Variants in TBC1D5 observed in about 807,000 individuals in gnomAD.
TBC1D5 encodes the protein TBC1 domain family, member 5.
In TBC1D5, 75 loss-of-function variants were observed where a neutral mutation model predicts 100.3. The observed-to-expected ratio is 0.75, with a 90% CI of 0.62 to 0.91. The LOEUF is 0.91. Among genes scored for constraint, TBC1D5 ranks in the 40% least tolerant of loss-of-function variants. The probability of loss-of-function intolerance (pLI) is 0.00; values close to 1 mark genes in which losing one functional copy is unlikely to be tolerated. For missense variants in TBC1D5, 910 were observed against 942.4 expected (o/e 0.97, Z 0.45); for synonymous variants, 323 against 325.6 (o/e 0.99, Z 0.09).
chr3:17,603,893 C>T (rs2061166407), intron 2 of TBC1D5, among the ~76,000 whole-genome samples: 1 of 152,208 alleles, frequency 6.6e-6, no homozygotes, highest in East Asian at 1.9e-4. Flanking sequence ...AATCCACCCG[C>T]CTCACCCTCT....
At chr3:17,321,163 G>C (rs1230634714) in intron 13 of TBC1D5, among the ~76,000 whole-genome samples, 3 of 152,156 alleles carry the variant, frequency 2.0e-5, no homozygotes, top group Non-Finnish European at 2.9e-5. Context: ...GAACTCCTAG[G>C]CTCAAGCAAT....
intron 21 of TBC1D5, among the ~76,000 whole-genome samples, chr3:17,165,444 T>G (rs2066500680): frequency 6.6e-6 from 1 of 152,172 alleles, no homozygotes; most frequent in African/African-American, 2.4e-5. Context: ...AAAACATCTG[T>G]GCAAGGAAGG....
intron 16 of TBC1D5, among the ~76,000 whole-genome samples, chr3:17,246,888 C>T (rs1214153032): frequency 2.0e-5 from 3 of 152,224 alleles, no homozygotes; most frequent in Non-Finnish European, 4.4e-5. Context: ...TGGCCCTTGA[C>T]TGATTCCTGG....
At chr3:17,706,594 T>G (rs1350116988) in intron 1 of TBC1D5, among the ~76,000 whole-genome samples, 1 of 152,170 alleles carries the variant, frequency 6.6e-6, no homozygotes, top group Non-Finnish European at 1.5e-5. Context: ...TTAACTCTAC[T>G]ATTACATTGC....
intron 17 of TBC1D5, among the ~76,000 whole-genome samples, chr3:17,218,294 T>C (rs751550339): frequency 6.6e-6 from 1 of 152,006 alleles, no homozygotes; most frequent in Non-Finnish European, 1.5e-5. Context: ...TTCAAGATTG[T>C]TTTGGCTACT....
intron 1 of TBC1D5, among the ~76,000 whole-genome samples, chr3:17,626,721 C>T (rs1031844871): frequency 1.3e-5 from 2 of 151,974 alleles, no homozygotes; most frequent in East Asian, 1.9e-4. Flanking sequence ...AGTAGAAAGG[C>T]CATCATAGAG....
At chr3:17,412,967 A>G (rs1228633660) in intron 4 of TBC1D5, among the ~76,000 whole-genome samples, 3 of 152,150 alleles carry the variant, frequency 2.0e-5, no homozygotes, top group African/African-American at 7.2e-5. Context: ...AAGCCCATGG[A>G]CATGCAGATA....
intron 3 of TBC1D5, among the ~76,000 whole-genome samples, chr3:17,462,969 T>C (rs563219157): frequency 9.2e-5 from 14 of 152,322 alleles, no homozygotes; most frequent in African/African-American, 2.9e-4. Flanking sequence ...GGTCATGAAA[T>C]AGTCCACTAT....
intron 3 of TBC1D5, among the ~76,000 whole-genome samples, chr3:17,503,427 C>A (rs2095808177): frequency 6.7e-6 from 1 of 149,496 alleles, no homozygotes; most frequent in Admixed American, 6.6e-5. Context: ...CTTCTCTCTG[C>A]TGAGCACCCC....
chr3:17,586,731 T>C (rs537198625), intron 2 of TBC1D5, among the ~76,000 whole-genome samples: 5 of 152,182 alleles, frequency 3.3e-5, no homozygotes, highest in African/African-American at 9.6e-5. Context: ...TACTCATTAA[T>C]CACTCTTTCC....
intron 16 of TBC1D5, among the ~76,000 whole-genome samples, chr3:17,257,328 T>A (rs1267179413): frequency 6.6e-6 from 1 of 152,208 alleles, no homozygotes; most frequent in Non-Finnish European, 1.5e-5. Context: ...GTAAGACTAC[T>A]GAAGGCAGGG....
chr3:17,220,359 A>T (rs1368417585), intron 17 of TBC1D5, among the ~76,000 whole-genome samples: 1 of 152,166 alleles, frequency 6.6e-6, no homozygotes, highest in Non-Finnish European at 1.5e-5. Flanking sequence ...AATCAGATAG[A>T]GGAGGACTTC....
intron 13 of TBC1D5, among the ~76,000 whole-genome samples, chr3:17,354,534 T>C (rs1319901720): frequency 6.6e-6 from 1 of 152,072 alleles, no homozygotes; most frequent in Non-Finnish European, 1.5e-5. Context: ...TACCAGCTGG[T>C]CTAGCTGTTT....
chr3:17,403,639 T>C (rs2093698266), intron 7 of TBC1D5, among the ~76,000 whole-genome samples: 1 of 152,100 alleles, frequency 6.6e-6, no homozygotes, highest in South Asian at 2.1e-4. Context: ...TTAGGTATTA[T>C]AAGTAATCTA....
chr3:17,615,033 C>T (rs1456693610), intron 2 of TBC1D5, among the ~76,000 whole-genome samples: 1 of 152,088 alleles, frequency 6.6e-6, no homozygotes, highest in African/African-American at 2.4e-5. Flanking sequence ...TCATAAATAC[C>T]TCTTATTATT....
Position 17,678,661 on chromosome 3 carries a change from A to G in TBC1D5, c.-100-54748T>C, listed in dbSNP as rs1362251291. On this transcript the variant is annotated intron_variant, in intron 1 of 21. Transcript: ENST00000253692. ...CAACTAAGAGAACTGAGGGAAAAAG[A>G]GGGATAAAAAAAAAAAAAAAAAAAA... is the stretch of plus-strand genomic sequence containing the variant. Among the ~76,000 whole-genome samples, 5 of 109,478 alleles carry G rather than the reference A, an allele frequency of 4.6e-5. No individual in the cohort carries two copies. The South Asian group carries it at 1.7e-3, about 38-fold the overall frequency. 71.8% of individuals were successfully genotyped at this position (109,478 alleles called of 152,430 possible).
rs115444781 is a variant in TBC1D5 at position 17,263,849 on chromosome 3, G to A, written c.1246-5258C>T. 8.8e-3 allele frequency among the ~76,000 whole-genome samples: 1,342 copies of A among 152,218 alleles called. 17 individuals are homozygous for A. Among genetic ancestry groups the A allele is most frequent in the African/African-American group, 0.031 (1,267 of 41,526 alleles). ...GTTAATTTAGCATCATCACAAAATC[G>A]ACTTACAATAATGCTTAAATAACAG... On this transcript the variant is annotated intron_variant, in intron 15 of 21. Coordinates refer to ENST00000253692, the Ensembl canonical transcript of TBC1D5.
chr3:17,673,307 TTTTC>T (rs1577375150), intron 1 of TBC1D5, among the ~76,000 whole-genome samples: 2 of 111,882 alleles, frequency 1.8e-5, no homozygotes, highest in South Asian at 3.7e-4. Flanking sequence ...CTTTCTTTTC[TTTTC>T]TTTTTTTTTT....
intron 5 of TBC1D5, among the ~76,000 whole-genome samples, chr3:17,405,629 C>G (rs1337273511): frequency 6.6e-6 from 1 of 152,018 alleles, no homozygotes; most frequent in Non-Finnish European, 1.5e-5. Context: ...TACAAATACT[C>G]TAGCAGCAGG....
Sources: allele counts gnomAD v4.1 joint callset (sites outside exome capture counted in the v4.1 genomes callset), GRCh38; gene constraint gnomAD v4.1.1; transcripts MANE v1.5; gene names NCBI Gene and HGNC (gene_info 2026-07-23, HGNC 2026-07-21).